Variants in CCSER1 observed in about 807,000 individuals in gnomAD.
The protein encoded by CCSER1 is serine-rich coiled-coil domain-containing protein 1.
In CCSER1, 41 loss-of-function variants were observed where a neutral mutation model predicts 82.0. That is an observed-to-expected ratio of 0.50 (90% CI 0.39 to 0.65). CCSER1 has a LOEUF of 0.65. Ranked by LOEUF, CCSER1 falls within the 30% of genes least tolerant of loss-of-function variation. The pLI is 0.00. For synonymous variants in CCSER1, 414 were observed against 383.9 expected (o/e 1.08, Z -0.92); for missense variants, 1,119 against 1,064.2 (o/e 1.05, Z -0.72).
chr4:91,398,137 A>T (rs979696906), intron 10 of CCSER1, among the ~76,000 whole-genome samples: 3 of 151,950 alleles, frequency 2.0e-5, no homozygotes, highest in Non-Finnish European at 4.4e-5. Context: ...TGAGGATCAG[A>T]TGTATGTCTA....
intron 10 of CCSER1, among the ~76,000 whole-genome samples, chr4:91,523,052 A>G (rs916201045): frequency 5.3e-5 from 8 of 152,116 alleles, no homozygotes; most frequent in Admixed American, 1.3e-4. Flanking sequence ...TGTTCCATCA[A>G]TATCTAGTTT....
intron 3 of CCSER1, among the ~76,000 whole-genome samples, chr4:90,324,086 T>G (rs1244033204): frequency 6.6e-6 from 1 of 152,198 alleles, no homozygotes; most frequent in African/African-American, 2.4e-5. Flanking sequence ...ACATTTGGGT[T>G]GGTTCCAAGT....
chr4:91,597,463 G>A (rs547067357), intron 10 of CCSER1, among the ~76,000 whole-genome samples: 2 of 152,086 alleles, frequency 1.3e-5, no homozygotes, highest in Non-Finnish European at 2.9e-5. Context: ...ATTTTAAGGT[G>A]TATGAAGAAA....
At chr4:91,218,018 G>A (rs1487089120) in intron 10 of CCSER1, among the ~76,000 whole-genome samples, 2 of 152,224 alleles carry the variant, frequency 1.3e-5, no homozygotes, top group South Asian at 2.1e-4. Context: ...CGTGGAGCAG[G>A]GGGTGGTGCT....
At chr4:90,912,577 G>A (rs983085825) in intron 8 of CCSER1, among the ~76,000 whole-genome samples, 1 of 152,158 alleles carries the variant, frequency 6.6e-6, no homozygotes. Flanking sequence ...AAAAATCAGA[G>A]CACTTCTCCT....
intron 9 of CCSER1, among the ~76,000 whole-genome samples, chr4:90,949,136 A>G (rs2150349432): frequency 6.6e-6 from 1 of 152,238 alleles, no homozygotes; most frequent in South Asian, 2.1e-4. Flanking sequence ...TGAGTATCAG[A>G]CACAGACCTA....
At chr4:90,367,003 T>TA (rs994564705) in intron 3 of CCSER1, among the ~76,000 whole-genome samples, 85 of 151,984 alleles carry the variant, frequency 5.6e-4, no homozygotes, top group African/African-American at 1.9e-3. Context: ...TAGGGGTAGA[T>TA]AAGCAATCAC....
At position 90,312,977 on chromosome 4, in the gene CCSER1, G is replaced by A; in HGVS notation, c.1439G>A (p.Gly480Glu). ...SSRMILKPKD[G>E]NIEEVNSLRK... The stretch of plus-strand genomic sequence containing the variant: ...AGAATGATTTTGAAACCGAAAGATG[G>A]AAATATAGAAGAAGTTAATAGTTTA... The change falls in exon 3 of 11, where the codon GGA (glycine) becomes GAA (glutamate). Residue 480 changes from glycine to glutamate, a missense_variant. Coordinates refer to ENST00000509176, the MANE Select transcript of CCSER1 (RefSeq NM_001145065.2). 3.1e-6 allele frequency: 5 copies of A among 1,603,172 alleles called. No individual in the cohort carries two copies. The highest frequency in any genetic ancestry group is 2.7e-5 in the African/African-American group (2 of 74,862).
intron 7 of CCSER1, among the ~76,000 whole-genome samples, chr4:90,777,896 CA>C (rs1251271615): frequency 2.6e-5 from 4 of 152,082 alleles, no homozygotes; most frequent in African/African-American, 9.7e-5. Flanking sequence ...TCACAAAATA[CA>C]AGTTCCTAAC....
chr4:91,512,388 C>G (rs1759874429), intron 10 of CCSER1, among the ~76,000 whole-genome samples: 1 of 152,206 alleles, frequency 6.6e-6, no homozygotes, highest in African/African-American at 2.4e-5. Flanking sequence ...ACTCCAAGTT[C>G]TTCAGCTTTT....
At chr4:91,569,421 G>C (rs957387172) in intron 10 of CCSER1, among the ~76,000 whole-genome samples, 2 of 152,058 alleles carry the variant, frequency 1.3e-5, no homozygotes, top group African/African-American at 4.8e-5. Flanking sequence ...TGTCTCCTGG[G>C]GGCTTGTATT....
chr4:91,210,248 TTATTA>T (rs1461010937), intron 10 of CCSER1, among the ~76,000 whole-genome samples: 2 of 150,666 alleles, frequency 1.3e-5, no homozygotes, highest in East Asian at 1.9e-4. Flanking sequence ...TAAAGTCCTG[TTATTA>T]TATTATATAT....
intron 10 of CCSER1, among the ~76,000 whole-genome samples, chr4:91,503,228 G>C (rs1269207578): frequency 6.6e-6 from 1 of 151,804 alleles, no homozygotes; most frequent in Non-Finnish European, 1.5e-5. Flanking sequence ...TGTGGTCCCA[G>C]CTACTCGGGA....
At position 91,013,896 on chromosome 4, in the gene CCSER1, C is replaced by T. The variant is rs1403417804; in HGVS notation, c.2173-72054C>T. On this transcript the variant is annotated intron_variant, in intron 9 of 10. Transcript: ENST00000509176. ...TTAGCCTCCCAAAGTGCTGGGATTA[C>T]AGATGTGAGCCACCGCTCCGGGCAC... Among the ~76,000 whole-genome samples, 2 of 130,894 alleles carry T rather than the reference C, an allele frequency of 1.5e-5. 1 individual carries two copies. The highest frequency in any genetic ancestry group is 3.5e-5 in the Non-Finnish European group (2 of 56,604). 85.9% of individuals were successfully genotyped at this position (130,894 alleles called of 152,430 possible).
In CCSER1 at chr4:90,128,960, C is replaced by T. The variant is rs144001385; in HGVS notation, c.-42+1129C>T. On this transcript the variant is annotated intron_variant, in intron 1 of 10. Coordinates refer to ENST00000509176, the MANE Select transcript of CCSER1 (RefSeq NM_001145065.2). ...TTTTTACAGGTAGAAAAAAATACTT[C>T]TTAGAAGTTACAGATTCTTTGCCCT... is the stretch of plus-strand genomic sequence containing the variant. 4.0e-3 allele frequency among the ~76,000 whole-genome samples: 612 copies of T among 152,124 alleles called. 6 individuals are homozygous for T. Among genetic ancestry groups the T allele is most frequent in the African/African-American group, 0.014 (569 of 41,500 alleles).
chr4:90,348,741 G>A (rs1331579092), intron 3 of CCSER1, among the ~76,000 whole-genome samples: 1 of 151,984 alleles, frequency 6.6e-6, no homozygotes, highest in African/African-American at 2.4e-5. Context: ...GTGAATTTAG[G>A]GTTTAGCATT....
At chr4:90,393,833 G>C (rs1380346274) in intron 3 of CCSER1, among the ~76,000 whole-genome samples, 3 of 136,998 alleles carry the variant, frequency 2.2e-5, no homozygotes, top group African/African-American at 8.5e-5. Context: ...CTGGAGTGCA[G>C]TGTGGCACAG....
intron 10 of CCSER1, among the ~76,000 whole-genome samples, chr4:91,499,686 T>C (rs1379990385): frequency 1.3e-5 from 2 of 151,966 alleles, no homozygotes; most frequent in Non-Finnish European, 2.9e-5. Flanking sequence ...GTTTCTATAG[T>C]TTTTACTTTT....
In CCSER1 at chr4:90,448,852, A is replaced by G. The variant is rs533839636; in HGVS notation, c.1604-19382A>G. ...AAGGTGAGCGGAGGGACGTGTTTCA[A>G]CCCTGTTTGTGTTACAGCTCTTTTG... On this transcript the variant is annotated intron_variant, in intron 4 of 10. Coordinates refer to ENST00000509176, the MANE Select transcript of CCSER1 (RefSeq NM_001145065.2). Among the ~76,000 whole-genome samples the G allele has an allele frequency of 3.9e-5, 6 of 152,046 alleles. No homozygotes were observed. The East Asian group carries it at 7.8e-4, about 20-fold the overall frequency.
Sources: allele counts gnomAD v4.1 joint callset (sites outside exome capture counted in the v4.1 genomes callset), GRCh38; gene constraint gnomAD v4.1.1; transcripts MANE v1.5; gene names NCBI Gene and HGNC (gene_info 2026-07-23, HGNC 2026-07-21).